PDZD7: variants seen among roughly 807,000 people sequenced by gnomAD.
PDZD7 encodes the protein PDZ domain-containing protein 7.
PDZD7 carries 72 observed loss-of-function variants against 84.7 expected under a neutral mutation model. The observed-to-expected ratio is 0.85, with a 90% CI of 0.70 to 1.03. PDZD7 has a LOEUF of 1.03. Among genes scored for constraint, PDZD7 ranks in the 50% least tolerant of loss-of-function variants. The pLI, the probability that PDZD7 is intolerant of heterozygous loss-of-function variation, is 0.00. For synonymous variants in PDZD7, 594 were observed against 580.7 expected, an observed-to-expected ratio of 1.02 and a Z score of -0.33; for missense variants, 1,490 against 1,412.9, an observed-to-expected ratio of 1.05 and a Z score of -0.87.
intron 5 of PDZD7, 63 bp downstream of exon 5, chr10:101,022,146 T>C (rs1853145449): frequency 6.2e-7 from 1 of 1,602,854 alleles, no homozygotes. Context: ...CATCCCAGCC[T>C]AGGCCCCACT....
intron 14 of PDZD7, chr10:101,011,108 T>G (rs1446671110): frequency 7.3e-7 from 1 of 1,371,096 alleles, no homozygotes; most frequent in African/African-American, 1.5e-5. Flanking sequence ...TGGCGCGATT[T>G]TGGCTCACTG....
At chr10:101,024,606 G>A (rs1449474921) in intron 2 of PDZD7, among the ~76,000 whole-genome samples, 1 of 151,856 alleles carries the variant, frequency 6.6e-6, no homozygotes. Flanking sequence ...CAGCGGGACA[G>A]GACTCTATGC....
rs907869227 is a variant in PDZD7, at chr10:101,008,425, G to A, written c.*42C>T. On this transcript the variant is annotated 3_prime_UTR_variant, in exon 17 of 17. Coordinates refer to ENST00000619208, the MANE Select transcript of PDZD7 (RefSeq NM_001195263.2). ...GGTAGGAGAGGTCCTGGGGATAACG[G>A]GATGCTGGAGTCAGTGGGTGAATCT... The A allele has an allele frequency of 4.1e-5, 60 of 1,467,916 alleles. No individual in the cohort carries two copies. Among genetic ancestry groups the A allele is most frequent in the Non-Finnish European group, 5.3e-5 (59 of 1,109,722 alleles). The allele number at this position is 1,467,916 out of a possible 1,614,324, so 90.9% of individuals were successfully genotyped here. A position where few individuals can be genotyped will look rare whatever the true frequency, so the allele number is the denominator to read the frequency against.
rs1330688916 is a variant in PDZD7, at chr10:101,022,254, T to C, written c.674A>G (p.Asn225Ser). The change falls in exon 5 of 17, where the codon AAC becomes AGC. Residue 225 changes from asparagine to serine, a missense_variant. By Grantham distance (46) the Asn-to-Ser change is conservative. Coordinates refer to ENST00000619208, the MANE Select transcript of PDZD7 (RefSeq NM_001195263.2). ...TTSDDFCLGF[N>S]IRGGKEFGLG... is the part of the protein sequence containing the mutation. ...GCCAAACTCCTTGCCCCCACGGATG[T>C]TGAAGCCCAGGCAGAAGTCGTCGGA... The C allele has an allele frequency of 1.9e-6, 3 of 1,614,098 alleles. No individual in the cohort carries two copies. The highest frequency in any genetic ancestry group is 1.7e-6 in the Non-Finnish European group (2 of 1,180,052).
chr10:101,027,419 T>C (rs1325099507), intron 2 of PDZD7, among the ~76,000 whole-genome samples: 8 of 152,198 alleles, frequency 5.3e-5, no homozygotes, highest in Non-Finnish European at 7.4e-5. Context: ...AGACACCACT[T>C]TCTTGGAGAA....
Position 101,010,848 on chromosome 10 carries a change from C to T in PDZD7, c.2041G>A (p.Gly681Ser), listed in dbSNP as rs1476125755. The change falls in exon 15 of 17, where the codon GGC becomes AGC. Residue 681 changes from glycine (G) to serine (S), a missense_variant. Physicochemically the swap from Gly to Ser is moderately conservative, Grantham distance 56. Transcript: ENST00000619208. ...CCATTATCTTCCTCTTCCGGGAAGC[C>T]GTTCACCGGCAGCAGGTAGAAGCCT... is the stretch of plus-strand genomic sequence containing the variant. ...RGGFYLLPVN[G>S]FPEEEDNGEL... 18 of 1,534,466 alleles carry T rather than the reference C, an allele frequency of 1.2e-5. No individual in the cohort carries two copies. Among genetic ancestry groups the T allele is most frequent in the African/African-American group, 1.4e-5 (1 of 72,974 alleles).
chr10:101,029,671 C>T (rs941632779), intron 2 of PDZD7, among the ~76,000 whole-genome samples: 5 of 152,190 alleles, frequency 3.3e-5, no homozygotes, highest in African/African-American at 9.7e-5. Flanking sequence ...AAGGGCAGAG[C>T]CCATGGGAGA....
At chr10:101,011,625 C>T in intron 14 of PDZD7, 65 bp downstream of exon 14, 1 of 1,525,186 alleles carries the variant, frequency 6.6e-7, no homozygotes, top group Non-Finnish European at 8.8e-7. Context: ...AGTAGAAGGC[C>T]CATCCTCCTT....
In PDZD7 at chr10:101,019,087, C is replaced by A; in HGVS notation, c.1059G>T (p.Gln353His). 6.4e-7 allele frequency: 1 copy of A among 1,564,540 alleles called. No individual in the cohort carries two copies. Among genetic ancestry groups the A allele is most frequent in the African/African-American group, 1.3e-5 (1 of 74,404 alleles). ...PSDRMDICLG[Q>H]EEPGSRGPGW... ...CTGGGCCGCGGCTGCCGGGCTCCTC[C>A]TGCCCGAGGCAGATGTCCATGCGGT... The change falls in exon 8 of 17, where the codon CAG (glutamine) becomes CAT (histidine). Residue 353 changes from glutamine to histidine, a missense_variant. By Grantham distance (24) the Gln-to-His change is conservative. Transcript: ENST00000619208.
At chr10:101,023,867 C>A in intron 3 of PDZD7, 61 bp downstream of exon 3, 1 of 1,612,760 alleles carries the variant, frequency 6.2e-7, no homozygotes, top group South Asian at 1.1e-5. Flanking sequence ...GCATCCCCTG[C>A]CATTCACTGA....
At chr10:101,026,663 TCACACACA>T (rs3051194) in intron 2 of PDZD7, among the ~76,000 whole-genome samples, 3,889 of 123,834 alleles carry the variant, frequency 0.031, 69 homozygotes, top group South Asian at 0.044. Flanking sequence ...CAGGGAGAAA[TCACACACA>T]CACACACACA....
Position 101,023,916 on chromosome 10 carries a change from G to T in PDZD7, c.367+12C>A. On this transcript the variant is annotated intron_variant, in intron 3 of 16. Transcript: ENST00000619208. ...TCCTAAGCGTGGACTTCAGCCTGGG[G>T]GTTCTGCTTACCTGCACTGCTGCCT... 6.2e-7 allele frequency: 1 copy of T among 1,614,198 alleles called. No homozygotes were observed. The highest frequency in any genetic ancestry group is 8.5e-7 in the Non-Finnish European group (1 of 1,180,030).
At chr10:101,012,296 G>A in intron 11 of PDZD7, 38 bp from the exon 12 acceptor site, 1 of 1,492,656 alleles carries the variant, frequency 6.7e-7, no homozygotes, top group Non-Finnish European at 9.1e-7. Flanking sequence ...CAGCAGTGGG[G>A]GCTTCCAGAG....
rs1157318782 is a variant in PDZD7 at position 101,012,208 on chromosome 10, G to T, written c.1800C>A (p.Ile600=). ...IEDLVRPLLA[I]LDRPEKLLLL... is the part of the protein sequence containing the mutation. ...GTAGCAGCTTCTCCGGCCTGTCGAG[G>T]ATGGCCAGCAGGGGCCTCACCAGGT... Residue 600 remains isoleucine, a synonymous_variant, in exon 12 of 17, where the codon ATC becomes ATA. Transcript: ENST00000619208. 1.8e-5 allele frequency: 28 copies of T among 1,550,300 alleles called. No homozygotes were observed. The highest frequency in any genetic ancestry group is 2.4e-5 in the Non-Finnish European group (27 of 1,146,996).
rs865960351 is a variant in PDZD7, at chr10:101,021,901, C to T, written c.764G>A (p.Gly255Glu). Residue 255 changes from glycine to glutamate, a missense_variant, in exon 6 of 17, where the codon GGG (glycine) becomes GAG (glutamate). Transcript: ENST00000619208. ...GLAEENGIKV[G>E]DQVLAANGVR... ...ACCGTTGGCTGCCAGGACCTGGTCC[C>T]CCACCTTGATGCCATTCTCCTCGGC... 6 of 1,614,200 alleles carry T rather than the reference C, an allele frequency of 3.7e-6. No homozygotes were observed. Among genetic ancestry groups the T allele is most frequent in the Non-Finnish European group, 5.1e-6 (6 of 1,180,032 alleles).
Position 101,007,776 on chromosome 10 carries a change from T to A in PDZD7, c.*691A>T. The A allele has an allele frequency of 2.0e-6, 1 of 492,286 alleles. No individual in the cohort carries two copies. Among genetic ancestry groups the A allele is most frequent in the Non-Finnish European group, 2.7e-6 (1 of 375,212 alleles). The allele number at this position is 492,286 out of a possible 1,614,324, so 30.5% of individuals were successfully genotyped here. A position where few individuals can be genotyped will look rare whatever the true frequency, so the allele number is the denominator to read the frequency against. ...GTTTTCACTTGTATATTTTTCACAC[T>A]GTAAATTTCTTGTACAAACCCAAAG... On this transcript the variant is annotated 3_prime_UTR_variant, in exon 17 of 17. Coordinates refer to ENST00000619208, the MANE Select transcript of PDZD7 (RefSeq NM_001195263.2).
In PDZD7 at chr10:101,018,292, C is replaced by T. The variant is rs1307303457; in HGVS notation, c.1329G>A (p.Glu443=). 2.1e-5 allele frequency: 34 copies of T among 1,613,588 alleles called. No homozygotes were observed. Among genetic ancestry groups the T allele is most frequent in the Non-Finnish European group, 2.9e-5 (34 of 1,179,998 alleles). ...RSQSYLTLWE[E]KQQRKKEKSG... ...ACTTCTCCTTCTTCCGCTGCTGCTT[C>T]TCCTCTGCAGACACGAGGGAGCAAC... The change falls in exon 9 of 17, where the codon GAG becomes GAA. Residue 443 remains glutamate (E), a synonymous_variant. Transcript: ENST00000619208.
chr10:101,030,328 T>A lies in PDZD7; in HGVS notation c.-109A>T. 1 of 973,144 alleles carries A rather than the reference T, an allele frequency of 1.0e-6. No homozygotes were observed. Among genetic ancestry groups the A allele is most frequent in the Non-Finnish European group, 1.6e-6 (1 of 632,716 alleles). 60.3% of individuals were successfully genotyped at this position (973,144 alleles called of 1,614,324 possible). On this transcript the variant is annotated 5_prime_UTR_variant, in exon 2 of 17. Transcript: ENST00000619208. Reference sequence around the variant, plus strand: ...CATGAGCCTCTGTGCGGGGCTGGGGTCTCAGTAACGTGAAGGCCCTCGCTT... The same window carrying A: ...CATGAGCCTCTGTGCGGGGCTGGGGACTCAGTAACGTGAAGGCCCTCGCTT...
chr10:101,015,239 G>A (rs1049086321), intron 11 of PDZD7, among the ~76,000 whole-genome samples: 1 of 152,174 alleles, frequency 6.6e-6, no homozygotes, highest in East Asian at 1.9e-4. Context: ...GAGGGCAGAG[G>A]CAGGCGACTG....
Sources: allele counts gnomAD v4.1 joint callset (sites outside exome capture counted in the v4.1 genomes callset), GRCh38; gene constraint gnomAD v4.1.1; transcripts MANE v1.5; gene names NCBI Gene and HGNC (gene_info 2026-07-23, HGNC 2026-07-21).